L3MBTL4: variants seen among roughly 807,000 people sequenced by gnomAD.
The protein encoded by L3MBTL4 is lethal(3)malignant brain tumor-like protein 4.
L3MBTL4 carries 70 observed loss-of-function variants against 84.5 expected under a neutral mutation model. The observed-to-expected ratio is 0.83, with a 90% CI of 0.68 to 1.01. The LOEUF is 1.01. Among genes scored for constraint, L3MBTL4 ranks in the 50% least tolerant of loss-of-function variants. The pLI is 0.00. For missense variants in L3MBTL4, 715 were observed against 754.8 expected, an observed-to-expected ratio of 0.95 and a Z score of 0.62; for synonymous variants, 274 against 259.8, an observed-to-expected ratio of 1.05 and a Z score of -0.52.
At chr18:6,004,997 A>ATTTTTTTTTTTTTTTTTTTTTTTTT (rs60294342) in intron 16 of L3MBTL4, among the ~76,000 whole-genome samples, 1 of 52,156 alleles carries the variant, frequency 1.9e-5, no homozygotes, top group Non-Finnish European at 3.5e-5. Context: ...TAAGATGATA[A>ATTTTTTTTTTTTTTTTTTTTTTTTT]TTTTTTTTTT....
At chr18:6,377,345 T>A (rs1465589458) in intron 1 of L3MBTL4, among the ~76,000 whole-genome samples, 31 of 152,206 alleles carry the variant, frequency 2.0e-4, no homozygotes, top group Non-Finnish European at 7.3e-5. Flanking sequence ...TATTATACTT[T>A]AAGTTCTAGG....
chr18:6,356,071 G>A (rs572140393), intron 1 of L3MBTL4, among the ~76,000 whole-genome samples: 200 of 152,292 alleles, frequency 1.3e-3, no homozygotes, highest in Non-Finnish European at 2.4e-3. Flanking sequence ...CAATGATGCC[G>A]TCAGCTCTCT....
chr18:6,196,155 C>T (rs774888006), intron 12 of L3MBTL4, among the ~76,000 whole-genome samples: 1 of 137,688 alleles, frequency 7.3e-6, no homozygotes, highest in Non-Finnish European at 1.5e-5. Flanking sequence ...TCTAGAGTTC[C>T]TCTTTTTTTT....
chr18:6,309,291 C>A (rs984895980), intron 3 of L3MBTL4, among the ~76,000 whole-genome samples: 17 of 152,170 alleles, frequency 1.1e-4, no homozygotes, highest in African/African-American at 4.1e-4. Context: ...CTGTATTAAA[C>A]TGTTAAATCT....
intron 12 of L3MBTL4, among the ~76,000 whole-genome samples, chr18:6,184,585 T>C (rs1451281860): frequency 6.6e-6 from 1 of 152,220 alleles, no homozygotes; most frequent in Admixed American, 6.5e-5. Flanking sequence ...AACATGAAAG[T>C]TCCTGAGATT....
intron 13 of L3MBTL4, among the ~76,000 whole-genome samples, chr18:6,151,721 GATAATATAT>G (rs1471779415): frequency 6.6e-6 from 1 of 152,144 alleles, no homozygotes; most frequent in Non-Finnish European, 1.5e-5. Context: ...AATTGACAAA[GATAATATAT>G]ATTCAAGATG....
intron 7 of L3MBTL4, among the ~76,000 whole-genome samples, chr18:6,241,826 G>A (rs2047464188): frequency 6.6e-6 from 1 of 152,042 alleles, no homozygotes; most frequent in Non-Finnish European, 1.5e-5. Context: ...TTCCTGAATG[G>A]GCAAAGGGAT....
intron 1 of L3MBTL4, among the ~76,000 whole-genome samples, chr18:6,328,097 A>G (rs1263307982): frequency 6.6e-6 from 1 of 152,232 alleles, no homozygotes; most frequent in Non-Finnish European, 1.5e-5. Flanking sequence ...TCAAGGTGAC[A>G]CTGCCAGTAA....
intron 14 of L3MBTL4, among the ~76,000 whole-genome samples, chr18:6,112,758 T>C (rs1295648708): frequency 6.6e-6 from 1 of 152,102 alleles, no homozygotes; most frequent in African/African-American, 2.4e-5. Context: ...AAGAATATAG[T>C]GTTTAGGATG....
intron 1 of L3MBTL4, among the ~76,000 whole-genome samples, chr18:6,328,711 A>G (rs919122579): frequency 1.3e-5 from 2 of 152,238 alleles, no homozygotes; most frequent in African/African-American, 4.8e-5. Flanking sequence ...ATAAAAAACT[A>G]GTACCACGGA....
At position 6,291,019 on chromosome 18, in the gene L3MBTL4, C is replaced by T. The variant is rs192107082; in HGVS notation, c.127+10884G>A. On this transcript the variant is annotated intron_variant, in intron 4 of 18. Transcript: ENST00000317931. ...TGTAGAGGCCACACAGAAAGTTCACCAAACTGCCCAAAGCTGTAACTAGAG... is the reference window on the plus strand; with the variant it reads ...TGTAGAGGCCACACAGAAAGTTCACTAAACTGCCCAAAGCTGTAACTAGAG... 5.8e-4 allele frequency among the ~76,000 whole-genome samples: 89 copies of T among 152,218 alleles called. 1 individual carries two copies. The highest frequency in any genetic ancestry group is 2.3e-3 in the Admixed American group (35 of 15,282).
intron 2 of L3MBTL4, 111 bp from the exon 3 acceptor site, chr18:6,311,767 A>G (rs2050845492): frequency 1.5e-6 from 1 of 659,366 alleles, no homozygotes; most frequent in African/African-American, 1.8e-5. Context: ...TGGTTACTAT[A>G]AATAACCTGA....
intron 4 of L3MBTL4, among the ~76,000 whole-genome samples, chr18:6,278,395 T>TTTATA (rs2049179579): frequency 6.6e-6 from 1 of 152,218 alleles, no homozygotes; most frequent in Non-Finnish European, 1.5e-5. Flanking sequence ...TTTATAAAAT[T>TTTATA]GAACCCTGTG....
chr18:6,096,075 T>C (rs2143734230), intron 14 of L3MBTL4, among the ~76,000 whole-genome samples: 1 of 152,308 alleles, frequency 6.6e-6, no homozygotes, highest in East Asian at 1.9e-4. Context: ...CATGAATTTT[T>C]TTTTTTGTAA....
intron 16 of L3MBTL4, among the ~76,000 whole-genome samples, chr18:6,004,995 T>C (rs1442215178): frequency 8.3e-6 from 1 of 120,858 alleles, no homozygotes. Context: ...GTTAAGATGA[T>C]AATTTTTTTT....
At chr18:6,227,855 T>C (rs1453715201) in intron 10 of L3MBTL4, among the ~76,000 whole-genome samples, 1 of 151,918 alleles carries the variant, frequency 6.6e-6, no homozygotes, top group Non-Finnish European at 1.5e-5. Context: ...TTAATAGAGA[T>C]ATAGTCTTGC....
Position 5,969,544 on chromosome 18 carries a change from G to A in L3MBTL4, c.1463C>T (p.Ala488Val), listed in dbSNP as rs201367172. ...CACTGACTGGTGAAGCACCTGCTGC[G>A]CCTGCTCCACCGAGTATTCTGTAAG... ...NLFREYSVEQAQQVLHQSVSM... is the reference protein window; with the variant it reads ...NLFREYSVEQVQQVLHQSVSM... Residue 488 changes from alanine to valine, a missense_variant, in exon 17 of 19, where the codon GCG (alanine) becomes GTG (valine). Ala to Val is a moderately conservative substitution (Grantham distance 64). Coordinates refer to ENST00000317931, the MANE Select transcript of L3MBTL4 (RefSeq NM_001330559.2). The A allele has an allele frequency of 5.5e-5, 88 of 1,608,162 alleles. No homozygotes were observed. The African/African-American group carries it at 5.7e-4, about 10-fold the overall frequency.
At chr18:6,124,717 G>C (rs2059633855) in intron 14 of L3MBTL4, among the ~76,000 whole-genome samples, 1 of 152,068 alleles carries the variant, frequency 6.6e-6, no homozygotes, top group Admixed American at 6.6e-5. Flanking sequence ...CTTGAAGTGT[G>C]CTGGAACAAG....
At chr18:5,996,505 C>T (rs750207277) in intron 16 of L3MBTL4, among the ~76,000 whole-genome samples, 5 of 152,240 alleles carry the variant, frequency 3.3e-5, no homozygotes, top group East Asian at 1.9e-4. Context: ...CTGGGCCAGA[C>T]GCCGGGACCA....
Sources: gnomAD v4.1 joint callset for allele counts (sites outside exome capture counted in the v4.1 genomes callset) on GRCh38, gnomAD v4.1.1 for gene constraint, MANE v1.5 for transcripts, NCBI Gene and HGNC (gene_info 2026-07-23, HGNC 2026-07-21) for gene names.